Variants in MS4A4E observed in about 807,000 individuals in gnomAD.
The protein encoded by MS4A4E is putative membrane-spanning 4-domains subfamily A member 4E.
A neutral mutation model predicts 13.3 loss-of-function variants in MS4A4E; 23 were observed. That is an observed-to-expected ratio of 1.73 (90% confidence interval 1.25 to 2.45). The LOEUF (loss-of-function observed/expected upper bound fraction) is 2.45. Ranked by LOEUF, MS4A4E falls within the 30% of genes most tolerant of loss-of-function variation. The pLI, the probability that MS4A4E is intolerant of heterozygous loss-of-function variation, is 0.00. For missense variants in MS4A4E, 144 were observed against 131.2 expected (o/e 1.10, Z -0.48); for synonymous variants, 36 against 45.6 (o/e 0.79, Z 0.85).
intron 8 of MS4A4E, among the ~76,000 whole-genome samples, chr11:60,204,271 A>G (rs1423664228): frequency 1.3e-5 from 2 of 152,236 alleles, no homozygotes; most frequent in Non-Finnish European, 2.9e-5. Context: ...GCAGTTAATC[A>G]TCTTCCCTTG....
chr11:60,217,400 A>G (rs1338502416), intron 3 of MS4A4E, among the ~76,000 whole-genome samples: 1 of 151,066 alleles, frequency 6.6e-6, no homozygotes, highest in Non-Finnish European at 1.5e-5. Flanking sequence ...GAGCTTGTAA[A>G]CTCTCAGGAG....
intron 4 of MS4A4E, among the ~76,000 whole-genome samples, chr11:60,213,991 G>A (rs1203677039): frequency 3.3e-5 from 5 of 151,698 alleles, no homozygotes; most frequent in Non-Finnish European, 4.4e-5. Flanking sequence ...TGCAACCTCC[G>A]CCTCCAGGGT....
At chr11:60,226,345 G>A (rs2084343394) in intron 3 of MS4A4E, among the ~76,000 whole-genome samples, 1 of 151,282 alleles carries the variant, frequency 6.6e-6, no homozygotes, top group African/African-American at 2.4e-5. Flanking sequence ...AAAGAAAACT[G>A]CAGACCAACA....
chr11:60,236,380 T>G (rs1342717003), intron 1 of MS4A4E, among the ~76,000 whole-genome samples: 1 of 152,302 alleles, frequency 6.6e-6, no homozygotes, highest in East Asian at 1.9e-4. Flanking sequence ...AATCTGTAGG[T>G]CAATTTGAAT....
At chr11:60,223,576 G>T (rs1448145747) in intron 3 of MS4A4E, among the ~76,000 whole-genome samples, 1 of 152,078 alleles carries the variant, frequency 6.6e-6, no homozygotes, top group Non-Finnish European at 1.5e-5. Context: ...ACTATGAAGG[G>T]GTTGCCAAGG....
At chr11:60,222,109 T>A (rs1005633799) in intron 3 of MS4A4E, among the ~76,000 whole-genome samples, 10 of 152,236 alleles carry the variant, frequency 6.6e-5, no homozygotes, top group Admixed American at 6.5e-4. Context: ...TTCCTCGGAA[T>A]GATCAGCCAG....
chr11:60,231,547 A>T (rs150888146), intron 1 of MS4A4E, among the ~76,000 whole-genome samples: 58 of 152,302 alleles, frequency 3.8e-4, no homozygotes, highest in African/African-American at 1.3e-3. Context: ...AGATTGCATA[A>T]GGATAAATTT....
intron 1 of MS4A4E, among the ~76,000 whole-genome samples, chr11:60,235,654 C>A (rs1467787515): frequency 1.3e-5 from 2 of 152,156 alleles, no homozygotes; most frequent in Non-Finnish European, 2.9e-5. Context: ...AAATTGTCTC[C>A]CTTCCGGGAC....
chr11:60,225,050 A>G, intron 3 of MS4A4E: 1 of 1,569,532 alleles, frequency 6.4e-7, no homozygotes, highest in Non-Finnish European at 8.6e-7. Context: ...CATCATTATT[A>G]TTCCCATGCT....
chr11:60,239,921 G>C (rs1378755477), intron 1 of MS4A4E, among the ~76,000 whole-genome samples: 1 of 152,104 alleles, frequency 6.6e-6, no homozygotes, highest in East Asian at 1.9e-4. Context: ...TCCCCCTCTG[G>C]GGTTAATTTT....
chr11:60,212,563 C>A (rs867727669), intron 5 of MS4A4E, among the ~76,000 whole-genome samples: 2 of 152,196 alleles, frequency 1.3e-5, no homozygotes, highest in Non-Finnish European at 2.9e-5. Context: ...CCTGGCTCGG[C>A]CTCCCAAAGT....
intron 1 of MS4A4E, among the ~76,000 whole-genome samples, chr11:60,235,461 T>TGCA (rs2084470955): frequency 1.3e-5 from 2 of 152,238 alleles, no homozygotes. Context: ...AAAGGACACT[T>TGCA]GCAGTTTCAT....
At chr11:60,212,679 T>C (rs975308240) in intron 5 of MS4A4E, among the ~76,000 whole-genome samples, 2 of 152,194 alleles carry the variant, frequency 1.3e-5, no homozygotes, top group Non-Finnish European at 2.9e-5. Context: ...ATCAATGTTT[T>C]AAAATTAAAC....
At chr11:60,206,488 T>TATATATATACAC (rs1565116698) in intron 6 of MS4A4E, among the ~76,000 whole-genome samples, 10 of 48,982 alleles carry the variant, frequency 2.0e-4, no homozygotes, top group African/African-American at 4.7e-4. Context: ...TATATATATA[T>TATATATATACAC]GTATATATAT....
chr11:60,235,062 G>T (rs1249331873), intron 1 of MS4A4E, among the ~76,000 whole-genome samples: 1 of 152,136 alleles, frequency 6.6e-6, no homozygotes, highest in Non-Finnish European at 1.5e-5. Context: ...GGCAAAGAAG[G>T]TCATCATTTA....
At position 60,201,617 on chromosome 11, in the gene MS4A4E, A is replaced by T. The variant is rs1406166701; in HGVS notation, c.922T>A (p.Trp308Arg). The T allele has an allele frequency of 1.3e-5, 4 of 315,682 alleles. No individual in the cohort carries two copies. Among genetic ancestry groups the T allele is most frequent in the African/African-American group, 9.4e-5 (4 of 42,550 alleles). The allele number at this position is 315,682 out of a possible 1,614,324, so 19.6% of individuals were successfully genotyped here. A position where few individuals can be genotyped will look rare whatever the true frequency, so the allele number is the denominator to read the frequency against. ...LCPAAIPSRK[W>R]GAPLPGHHPI... is the part of the protein sequence containing the mutation. ...TGGTGGCCGGGAAGAGGCGCTCCCC[A>T]CTTCCTAGATGGGATGGCAGCCGGG... Residue 308 changes from tryptophan to arginine, a missense_variant, in exon 9 of 9, where the codon TGG becomes AGG. Physicochemically the swap from Trp to Arg is moderately radical, Grantham distance 101. This residue lies in a region of MS4A4E where 21 missense variants were observed against 25.1 expected (regional missense o/e 0.84). Transcript: ENST00000651255.
At chr11:60,219,762 A>G (rs1298155420) in intron 3 of MS4A4E, among the ~76,000 whole-genome samples, 2 of 152,220 alleles carry the variant, frequency 1.3e-5, no homozygotes, top group Non-Finnish European at 2.9e-5. Flanking sequence ...AGAAAAAATG[A>G]TCAGACCTTT....
At chr11:60,229,818 A>T in intron 2 of MS4A4E, 94 bp downstream of exon 2, 1 of 1,295,862 alleles carries the variant, frequency 7.7e-7, no homozygotes. Flanking sequence ...TTGATGTATT[A>T]TGAGGCTAGC....
intron 8 of MS4A4E, among the ~76,000 whole-genome samples, chr11:60,202,241 T>C (rs909263984): frequency 6.6e-6 from 1 of 152,162 alleles, no homozygotes; most frequent in Non-Finnish European, 1.5e-5. Context: ...TGAGGACCTA[T>C]CTCTTGAAGA....
Sources: allele counts gnomAD v4.1 joint callset (sites outside exome capture counted in the v4.1 genomes callset), GRCh38; gene constraint gnomAD v4.1.1; regional missense constraint gnomAD v4.1.1; transcripts MANE v1.5; gene names NCBI Gene and HGNC (gene_info 2026-07-23, HGNC 2026-07-21).